TMC2: variants seen among roughly 807,000 people sequenced by gnomAD.
TMC2 encodes transmembrane channel-like protein 2.
In TMC2, 102 loss-of-function variants were observed where a neutral mutation model predicts 105.9. That is an observed-to-expected ratio of 0.96 (90% CI 0.82 to 1.14). TMC2 has a LOEUF of 1.14. TMC2 is among the 50% of genes most tolerant of loss of function. The pLI is 0.00. For missense variants in TMC2, 1,093 were observed against 1,134.3 expected, an observed-to-expected ratio of 0.96 and a Z score of 0.52; for synonymous variants, 402 against 422.8, an observed-to-expected ratio of 0.95 and a Z score of 0.60.
chr20:2,549,531 T>C (rs1280975238), intron 2 of TMC2, among the ~76,000 whole-genome samples: 3 of 152,116 alleles, frequency 2.0e-5, no homozygotes, highest in South Asian at 2.1e-4. Flanking sequence ...TCACTTGAGG[T>C]CAGGAGTTTG....
intron 16 of TMC2, 186 bp downstream of exon 16, chr20:2,617,497 G>A: frequency 1.3e-6 from 1 of 768,836 alleles, no homozygotes; most frequent in Non-Finnish European, 2.0e-6. Context: ...TTCTGTGTCT[G>A]CGCTGTTCAT....
In TMC2 at chr20:2,558,708, C is replaced by G; in HGVS notation, c.335C>G (p.Ala112Gly). Residue 112 changes from alanine (A) to glycine (G), a missense_variant, in exon 3 of 20, where the codon GCA becomes GGA. Physicochemically the swap from Ala to Gly is moderately conservative, Grantham distance 60. Coordinates refer to ENST00000358864, the MANE Select transcript of TMC2 (RefSeq NM_080751.3). The surrounding 1 kb of genome is among the most constrained non-coding windows in gnomAD (Gnocchi z 4.6). ...DERASFQERT[A>G]APKREKEIPR... ...AGGGCCTCCTTCCAGGAGCGGACAGCAGCCCCAAAGAGGGAAAAGGAGATT... is the reference window on the plus strand; with the variant it reads ...AGGGCCTCCTTCCAGGAGCGGACAGGAGCCCCAAAGAGGGAAAAGGAGATT... 1 of 1,604,332 alleles carries G rather than the reference C, an allele frequency of 6.2e-7. No individual in the cohort carries two copies. The highest frequency in any genetic ancestry group is 8.5e-7 in the Non-Finnish European group (1 of 1,175,290).
intron 11 of TMC2, among the ~76,000 whole-genome samples, chr20:2,604,826 T>C (rs7270289): frequency 0.26 from 39,968 of 152,130 alleles, 5,601 homozygotes; most frequent in East Asian, 0.36. Flanking sequence ...AGAGTGGGCC[T>C]GGAAGCTCCA....
intron 6 of TMC2, among the ~76,000 whole-genome samples, chr20:2,579,514 T>A (rs1204334280): frequency 1.3e-5 from 2 of 151,784 alleles, no homozygotes; most frequent in African/African-American, 4.8e-5. Flanking sequence ...CTTCACCTCC[T>A]AGGTTCAAGC....
chr20:2,576,063 C>T (rs1391639117), intron 5 of TMC2, among the ~76,000 whole-genome samples: 1 of 152,010 alleles, frequency 6.6e-6, no homozygotes, highest in African/African-American at 2.4e-5. Context: ...TCCCTTTTTC[C>T]CTGTTCTGCA....
intron 19 of TMC2, among the ~76,000 whole-genome samples, chr20:2,640,880 C>T (rs1397090773): frequency 2.0e-5 from 3 of 152,102 alleles, no homozygotes; most frequent in South Asian, 2.1e-4. Context: ...CTAGAAAACC[C>T]GGGATCAGAG....
Position 2,594,964 on chromosome 20 carries a change from G to A in TMC2, c.1073G>A (p.Arg358Gln), listed in dbSNP as rs1480859683. The change falls in exon 9 of 20, where the codon CGA becomes CAA. Residue 358 changes from arginine (R) to glutamine (Q), a missense_variant. By Grantham distance (43) the Arg-to-Gln change is conservative. Coordinates refer to ENST00000358864, the MANE Select transcript of TMC2 (RefSeq NM_080751.3). ...GGCTACAGCCTGATTATTGTCATTC[G>A]ATCGTAAGTATGACCGTCTCATCCG... is the stretch of plus-strand genomic sequence containing the variant. ...VFGYSLIIVI[R>Q]SMASNTQGST... The A allele has an allele frequency of 5.6e-6, 9 of 1,613,106 alleles. No individual in the cohort carries two copies. The highest frequency in any genetic ancestry group is 7.6e-6 in the Non-Finnish European group (9 of 1,179,632).
At chr20:2,562,044 A>G in intron 4 of TMC2, 34 bp downstream of exon 4, 1 of 1,601,922 alleles carries the variant, frequency 6.2e-7, no homozygotes, top group Non-Finnish European at 8.5e-7. Flanking sequence ...GGGCCTTCCG[A>G]TGTCCACAGC....
rs1475819555 is a variant in TMC2, at chr20:2,592,365, A to C, written c.890A>C (p.Glu297Ala). 6.2e-7 allele frequency: 1 copy of C among 1,614,114 alleles called. No individual in the cohort carries two copies. The highest frequency in any genetic ancestry group is 8.5e-7 in the Non-Finnish European group (1 of 1,179,964). ...CCCAGAAAGACAGTGCCTCGGGCTGAGGAAGAAAAGGCCATGGATTTTTCT... is the reference window on the plus strand; with the variant it reads ...CCCAGAAAGACAGTGCCTCGGGCTGCGGAAGAAAAGGCCATGGATTTTTCT... ...SIPRKTVPRA[E>A]EEKAMDFSVL... Residue 297 changes from glutamate (E) to alanine (A), a missense_variant, in exon 8 of 20, where the codon GAG becomes GCG. Coordinates refer to ENST00000358864, the MANE Select transcript of TMC2 (RefSeq NM_080751.3). The surrounding 1 kb of genome is among the most constrained non-coding windows in gnomAD (Gnocchi z 4.9).
chr20:2,635,228 C>T (rs1218458332), intron 17 of TMC2, among the ~76,000 whole-genome samples: 1 of 152,082 alleles, frequency 6.6e-6, no homozygotes, highest in Non-Finnish European at 1.5e-5. Context: ...CCTAGTGAGC[C>T]AATGGGGGCT....
chr20:2,593,695 C>A (rs2086284699), intron 8 of TMC2, among the ~76,000 whole-genome samples: 1 of 152,144 alleles, frequency 6.6e-6, no homozygotes, highest in Non-Finnish European at 1.5e-5. Context: ...CTGTCAGAAT[C>A]ATCTACCTCT....
Position 2,569,350 on chromosome 20 carries a change from A to C in TMC2, c.555-2829A>C, listed in dbSNP as rs141443605. ...ACTTTAACAGGGTGCTCATTCACTC[A>C]CTCAGTCAACATCCATGTGTTCCAC... On this transcript the variant is annotated intron_variant, in intron 4 of 19. Coordinates refer to ENST00000358864, the MANE Select transcript of TMC2 (RefSeq NM_080751.3). Among the ~76,000 whole-genome samples, 567 of 152,330 alleles carry C rather than the reference A, an allele frequency of 3.7e-3. 5 individuals carry two copies. The highest frequency in any genetic ancestry group is 0.013 in the African/African-American group (528 of 41,574).
intron 7 of TMC2, among the ~76,000 whole-genome samples, chr20:2,584,148 G>T (rs1434756596): frequency 1.3e-5 from 2 of 152,118 alleles, no homozygotes; most frequent in Non-Finnish European, 2.9e-5. Flanking sequence ...TCAGACATAT[G>T]AAAAGATATA....
At chr20:2,575,147 C>A (rs986902599) in intron 5 of TMC2, among the ~76,000 whole-genome samples, 1 of 152,190 alleles carries the variant, frequency 6.6e-6, no homozygotes, top group East Asian at 1.9e-4. Context: ...CAACTGCACA[C>A]TCACATCTTA....
In TMC2 at chr20:2,572,159, T is replaced by A. The variant is rs1883981; in HGVS notation, c.555-20T>A. 0.42 allele frequency: 629,678 copies of A among 1,486,428 alleles called. 87,243 individuals are homozygous for A. The highest frequency in any genetic ancestry group is 0.5 in the Admixed American group (27,693 of 55,248). 92.1% of individuals were successfully genotyped at this position (1,486,428 alleles called of 1,614,324 possible). The stretch of plus-strand genomic sequence containing the variant: ...TTAGGTGCTAACTGAAATCCTGCTT[T>A]TTTTTTTTTTTCTAAGCAGGGAGGC... On this transcript the variant is annotated intron_variant, in intron 4 of 19. Coordinates refer to ENST00000358864, the MANE Select transcript of TMC2 (RefSeq NM_080751.3).
chr20:2,543,994 T>C (rs908787085), intron 2 of TMC2, among the ~76,000 whole-genome samples: 3 of 150,416 alleles, frequency 2.0e-5, no homozygotes, highest in Admixed American at 2.0e-4. Flanking sequence ...CTCCACCTCC[T>C]GGGTTCAAGC....
intron 1 of TMC2, 123 bp downstream of exon 1, chr20:2,536,778 G>C: frequency 9.3e-7 from 1 of 1,074,422 alleles, no homozygotes; most frequent in Non-Finnish European, 1.4e-6. Flanking sequence ...TCCAGGGCCT[G>C]TCCCCTGTGC....
chr20:2,612,156 T>G (rs771708120), intron 12 of TMC2, 35 bp from the exon 13 acceptor site: 1 of 1,564,968 alleles, frequency 6.4e-7, no homozygotes, highest in Non-Finnish European at 8.7e-7. Flanking sequence ...CATCCCTAGC[T>G]CCTTCCTACC....
chr20:2,593,863 A>C (rs1199553088), intron 8 of TMC2, among the ~76,000 whole-genome samples: 1 of 152,180 alleles, frequency 6.6e-6, no homozygotes, highest in Non-Finnish European at 1.5e-5. Flanking sequence ...TTGGGTTTAC[A>C]AAGGAACTGT....
Sources: allele counts gnomAD v4.1 joint callset (sites outside exome capture counted in the v4.1 genomes callset), GRCh38; gene constraint gnomAD v4.1.1; non-coding constraint Gnocchi (gnomAD v3.1); transcripts MANE v1.5; gene names NCBI Gene and HGNC (gene_info 2026-07-23, HGNC 2026-07-21).